Variants in CHRNG observed in about 807,000 individuals in gnomAD.
The protein encoded by CHRNG is acetylcholine receptor subunit gamma.
Under a neutral mutation model 65.2 loss-of-function variants are expected in CHRNG, and 72 were observed. That is an observed-to-expected ratio of 1.10 (90% CI 0.91 to 1.34). CHRNG has a LOEUF of 1.34. CHRNG is among the 40% of genes most tolerant of loss of function. The pLI, the probability that CHRNG is intolerant of heterozygous loss-of-function variation, is 0.00. For missense variants in CHRNG, 637 were observed against 680.1 expected (o/e 0.94, Z 0.70); for synonymous variants, 284 against 290.2 (o/e 0.98, Z 0.22).
In CHRNG at chr2:232,541,347, G is replaced by A. The variant is rs770940716; in HGVS notation, c.351-27G>A. 4.3e-5 allele frequency: 69 copies of A among 1,613,676 alleles called. No homozygotes were observed. Among genetic ancestry groups the A allele is most frequent in the East Asian group, 2.7e-4 (12 of 44,878 alleles). On this transcript the variant is annotated intron_variant, in intron 4 of 11. Transcript: ENST00000651502. The surrounding 1 kb of genome is among the most constrained non-coding windows in gnomAD (Gnocchi z 4.0). ...TGTCGGGGGCTGAGCCCACAGCCTC[G>A]TGGCCTGGCCTGTTCTGTGCATACA...
At chr2:232,544,266 G>A in intron 9 of CHRNG, 101 bp from the exon 10 acceptor site, 1 of 907,648 alleles carries the variant, frequency 1.1e-6, no homozygotes, top group Non-Finnish European at 1.8e-6. Context: ...GCCCCGGTAT[G>A]CTGCCTCCAT....
In CHRNG at chr2:232,541,980, C is replaced by G; in HGVS notation, c.507-443C>G. Reference sequence around the variant, plus strand: ...GGGTCTCTGGGTCTGTTTCCTCAAACCTAAGTGTGGGGAGGAGGGCCCGGG... The same window carrying G: ...GGGTCTCTGGGTCTGTTTCCTCAAAGCTAAGTGTGGGGAGGAGGGCCCGGG... On this transcript the variant is annotated intron_variant, in intron 5 of 11. Coordinates refer to ENST00000651502, the MANE Select transcript of CHRNG (RefSeq NM_005199.5). The surrounding 1 kb of genome is among the most constrained non-coding windows in gnomAD (Gnocchi z 4.0). 1.6e-5 allele frequency: 5 copies of G among 322,114 alleles called. No homozygotes were observed. The South Asian group carries it at 1.6e-4, about 10-fold the overall frequency. 20.0% of individuals were successfully genotyped at this position (322,114 alleles called of 1,614,324 possible). A position where few individuals can be genotyped will look rare whatever the true frequency, so the allele number is the denominator to read the frequency against.
chr2:232,544,624 C>T, intron 10 of CHRNG, 44 bp downstream of exon 10: 1 of 1,582,010 alleles, frequency 6.3e-7, no homozygotes, highest in Non-Finnish European at 8.7e-7. Context: ...TCCCCTGGGA[C>T]CCCAGCTGGG....
At chr2:232,545,460 G>A in intron 11 of CHRNG, 83 bp from the exon 12 acceptor site, 1 of 1,270,508 alleles carries the variant, frequency 7.9e-7, no homozygotes. Flanking sequence ...ACATGGGCCT[G>A]CTGGAAGCCC....
chr2:232,543,207 G>A, intron 7 of CHRNG, 68 bp from the exon 8 acceptor site: 2 of 1,527,328 alleles, frequency 1.3e-6, no homozygotes, highest in Non-Finnish European at 1.8e-6. Context: ...GCTACTTCTG[G>A]GGTAAGGGGT....
rs2106219626 is a variant in CHRNG, at chr2:232,539,777, CCTG to C, written c.40_42del (p.Leu14del). 1 of 1,613,878 alleles carries C rather than the reference CCTG, an allele frequency of 6.2e-7. No individual in the cohort carries two copies. The highest frequency in any genetic ancestry group is 8.5e-7 in the Non-Finnish European group (1 of 1,179,966). On this transcript the variant is annotated inframe_deletion, in exon 1 of 12. Transcript: ENST00000651502. ...ATGGGGGCCAGGGGCCGCTGCTCCT[CCTG>C]CTGCTGCTGGCTGTCTGCCTGGGTG... is the stretch of plus-strand genomic sequence containing the variant.
In CHRNG at chr2:232,548,018, T is replaced by G; in HGVS notation, c.*2302T>G. ...TAAAAGTTATGTTTACACTATACTG[T>G]AGACCAGCAAGAGTGCAATAGCATT... On this transcript the variant is annotated 3_prime_UTR_variant, in exon 12 of 12. Coordinates refer to ENST00000651502, the MANE Select transcript of CHRNG (RefSeq NM_005199.5). The G allele has an allele frequency of 9.3e-6, 5 of 539,344 alleles. No individual in the cohort carries two copies. The South Asian group carries it at 1.4e-4, about 15-fold the overall frequency. 33.4% of individuals were successfully genotyped at this position (539,344 alleles called of 1,614,324 possible).
In CHRNG at chr2:232,540,801, T is replaced by C. The variant is rs1691999883; in HGVS notation, c.350+90T>C. ...AAGGCACTCTGGGAAAAGAGAAAGA[T>C]GAGCAGAGGGTGCAAATCGGGCACC... On this transcript the variant is annotated intron_variant, in intron 4 of 11. Coordinates refer to ENST00000651502, the MANE Select transcript of CHRNG (RefSeq NM_005199.5). This position sits in a 1 kb window ranked among gnomAD's most constrained non-coding sequence, Gnocchi z 4.2. 9.0e-6 allele frequency: 11 copies of C among 1,216,244 alleles called. No homozygotes were observed. The highest frequency in any genetic ancestry group is 2.0e-4 in the Middle Eastern group (1 of 5,112). 75.3% of individuals were successfully genotyped at this position (1,216,244 alleles called of 1,614,324 possible).
Position 232,543,366 on chromosome 2 carries a change from C to T in CHRNG, c.897C>T (p.Ser299=). The T allele has an allele frequency of 6.2e-7, 1 of 1,613,284 alleles. No homozygotes were observed. The highest frequency in any genetic ancestry group is 1.7e-5 in the Admixed American group (1 of 60,010). The change falls in exon 8 of 12, where the codon TCC becomes TCT. Residue 299 remains serine (S), a synonymous_variant. Coordinates refer to ENST00000651502, the MANE Select transcript of CHRNG (RefSeq NM_005199.5). Reference sequence around the variant, plus strand: ...TGGCCAAGAAGGTGCCTGAAACCTCCCAGGCGGTGCCACTCATCAGCAAGT... The same window carrying T: ...TGGCCAAGAAGGTGCCTGAAACCTCTCAGGCGGTGCCACTCATCAGCAAGT... ...FLVAKKVPET[S]QAVPLISKYL...
rs1294116013 is a variant in CHRNG at position 232,545,733 on chromosome 2, G to A, written c.*17G>A. Reference sequence around the variant, plus strand: ...CCAGACTGAGCCAACCAACCACTGTGGGGCATGTGGGAGTCACACACGTGG... The same window carrying A: ...CCAGACTGAGCCAACCAACCACTGTAGGGCATGTGGGAGTCACACACGTGG... On this transcript the variant is annotated 3_prime_UTR_variant, in exon 12 of 12. Coordinates refer to ENST00000651502, the MANE Select transcript of CHRNG (RefSeq NM_005199.5). 6.2e-7 allele frequency: 1 copy of A among 1,613,864 alleles called. No homozygotes were observed. The highest frequency in any genetic ancestry group is 8.5e-7 in the Non-Finnish European group (1 of 1,179,938).
At position 232,548,023 on chromosome 2, in the gene CHRNG, C is replaced by A; in HGVS notation, c.*2307C>A. ...GTTATGTTTACACTATACTGTAGAC[C>A]AGCAAGAGTGCAATAGCATTGTCTA... On this transcript the variant is annotated 3_prime_UTR_variant, in exon 12 of 12. Transcript: ENST00000651502. 1 of 537,938 alleles carries A rather than the reference C, an allele frequency of 1.9e-6. No homozygotes were observed. The allele number at this position is 537,938 out of a possible 1,614,324, so 33.3% of individuals were successfully genotyped here. A position where few individuals can be genotyped will look rare whatever the true frequency, so the allele number is the denominator to read the frequency against.
chr2:232,544,001 G>A (rs918927728), intron 9 of CHRNG, among the ~76,000 whole-genome samples: 15 of 152,308 alleles, frequency 9.8e-5, no homozygotes, highest in Admixed American at 4.6e-4. Flanking sequence ...CTACAAAGTC[G>A]AAAAAGCAGG....
rs559878427 is a variant in CHRNG, at chr2:232,547,474, G to C, written c.*1758G>C. The stretch of plus-strand genomic sequence containing the variant: ...AGAAAAGTGAAAGTGCCACATAAAG[G>C]CCTGACGACAGGATATGCTGGCAGG... On this transcript the variant is annotated 3_prime_UTR_variant, in exon 12 of 12. Coordinates refer to ENST00000651502, the MANE Select transcript of CHRNG (RefSeq NM_005199.5). 1.3e-5 allele frequency among the ~76,000 whole-genome samples: 2 copies of C among 152,244 alleles called. No homozygotes were observed. The highest frequency in any genetic ancestry group is 4.8e-5 in the African/African-American group (2 of 41,540).
Position 232,542,873 on chromosome 2 carries a change from T to C in CHRNG, c.605-9T>C, listed in dbSNP as rs1417873594. On this transcript the variant is annotated splice_polypyrimidine_tract_variant and intron_variant, in intron 6 of 11. Coordinates refer to ENST00000651502, the MANE Select transcript of CHRNG (RefSeq NM_005199.5). ...TTGTGCCCACTCCTGCCTGCCTGCC[T>C]GCCCGCAGAGAATGGGGAGTGGGCC... 1 of 1,611,232 alleles carries C rather than the reference T, an allele frequency of 6.2e-7. No individual in the cohort carries two copies. Among genetic ancestry groups the C allele is most frequent in the Non-Finnish European group, 8.5e-7 (1 of 1,179,172 alleles).
chr2:232,546,306 CTCTTTTT>C lies in CHRNG; in HGVS notation c.*592_*598del, dbSNP rs199761478. 25,705 of 132,496 alleles carry C rather than the reference CTCTTTTT, an allele frequency of 0.19. 2,240 individuals carry two copies. The highest frequency in any genetic ancestry group is 0.28 in the Middle Eastern group (71 of 254). The allele number at this position is 132,496 out of a possible 1,614,324, so 8.2% of individuals were successfully genotyped here. On this transcript the variant is annotated 3_prime_UTR_variant, in exon 12 of 12. Transcript: ENST00000651502. ...AGACGATTTCCTGAGTTTTGTAATC[CTCTTTTT>C]TTTTTTTTTTTTTTTAGTTTTTGAT...
Position 232,541,391 on chromosome 2 carries a change from A to T in CHRNG, c.368A>T (p.Glu123Val). The change falls in exon 5 of 12, where the codon GAG becomes GTG. Residue 123 changes from glutamate to valine, a missense_variant. Physicochemically the swap from Glu to Val is moderately radical, Grantham distance 121. Transcript: ENST00000651502. The surrounding 1 kb of genome is among the most constrained non-coding windows in gnomAD (Gnocchi z 4.0). ...VLENNVDGVFEVALYCNVLVS... is the reference protein window; with the variant it reads ...VLENNVDGVFVVALYCNVLVS... ...GCATACAGCGTGGACGGTGTCTTCGAGGTGGCCCTCTACTGCAATGTGCTC... is the reference window on the plus strand; with the variant it reads ...GCATACAGCGTGGACGGTGTCTTCGTGGTGGCCCTCTACTGCAATGTGCTC... 6.2e-7 allele frequency: 1 copy of T among 1,614,038 alleles called. No individual in the cohort carries two copies. Among genetic ancestry groups the T allele is most frequent in the Non-Finnish European group, 8.5e-7 (1 of 1,179,980 alleles).
chr2:232,542,579 C>G (rs1222398317), intron 6 of CHRNG, 59 bp downstream of exon 6: 14 of 1,225,902 alleles, frequency 1.1e-5, no homozygotes, highest in Non-Finnish European at 1.7e-5. Context: ...CTGGACCCAG[C>G]TGTGGTCAAG....
chr2:232,542,859 C>G, intron 6 of CHRNG, 23 bp from the exon 7 acceptor site: 1 of 1,583,040 alleles, frequency 6.3e-7, no homozygotes, highest in Non-Finnish European at 8.6e-7. Context: ...TGTGCCCACT[C>G]CTGCCTGCCT....
chr2:232,544,815 G>A lies in CHRNG; in HGVS notation c.1293G>A (p.Leu431=). The A allele has an allele frequency of 6.2e-7, 1 of 1,613,820 alleles. No individual in the cohort carries two copies. The highest frequency in any genetic ancestry group is 8.5e-7 in the Non-Finnish European group (1 of 1,179,988). ...GGCTGAGCCAGTTCTGTGGCAGCCTGAAGCAGGCTGCCCCAGCCATCCAGG... is the reference window on the plus strand; with the variant it reads ...GGCTGAGCCAGTTCTGTGGCAGCCTAAAGCAGGCTGCCCCAGCCATCCAGG... ...ELGLSQFCGS[L]KQAAPAIQAC... is the part of the protein sequence containing the mutation. The change falls in exon 11 of 12, where the codon CTG becomes CTA. Residue 431 remains leucine, a synonymous_variant. Coordinates refer to ENST00000651502, the MANE Select transcript of CHRNG (RefSeq NM_005199.5).
Sources: allele counts gnomAD v4.1 joint callset (sites outside exome capture counted in the v4.1 genomes callset), GRCh38; gene constraint gnomAD v4.1.1; non-coding constraint Gnocchi (gnomAD v3.1); transcripts MANE v1.5; gene names NCBI Gene and HGNC (gene_info 2026-07-23, HGNC 2026-07-21).